Variants in NR6A1 observed in about 807,000 individuals in gnomAD.
NR6A1 encodes the protein retinoic acid receptor-related testis-associated receptor.
In NR6A1, 7 loss-of-function variants were observed where a neutral mutation model predicts 59.1. That is an observed-to-expected ratio of 0.12 (90% CI 0.07 to 0.22). The LOEUF (loss-of-function observed/expected upper bound fraction) is 0.22. NR6A1 is among the 10% of genes least tolerant of loss of function. The pLI, the probability that NR6A1 is intolerant of heterozygous loss-of-function variation, is 1.00. For synonymous variants in NR6A1, 243 were observed against 236.1 expected (o/e 1.03, Z -0.27); for missense variants, 468 against 611.6 (o/e 0.77, Z 2.48).
chr9:124,645,074 T>C (rs1004008614), intron 2 of NR6A1, among the ~76,000 whole-genome samples: 4 of 152,190 alleles, frequency 2.6e-5, no homozygotes, highest in Non-Finnish European at 4.4e-5. Flanking sequence ...TAGACTTGGA[T>C]TGGTTATAAA....
At chr9:124,534,324 C>T (rs910210411) in intron 7 of NR6A1, among the ~76,000 whole-genome samples, 3 of 152,144 alleles carry the variant, frequency 2.0e-5, no homozygotes, top group South Asian at 2.1e-4. Flanking sequence ...CCACCTGCCT[C>T]GGCCTCTCAA....
intron 2 of NR6A1, among the ~76,000 whole-genome samples, chr9:124,635,116 A>G (rs1836563574): frequency 1.3e-5 from 2 of 152,200 alleles, no homozygotes; most frequent in Admixed American, 6.5e-5. Flanking sequence ...ATAGTATTAC[A>G]AAGAATAGCT....
At chr9:124,767,266 T>C (rs1257612810) in intron 1 of NR6A1, among the ~76,000 whole-genome samples, 1 of 152,200 alleles carries the variant, frequency 6.6e-6, no homozygotes, top group Non-Finnish European at 1.5e-5. Flanking sequence ...CCCTTTCATG[T>C]ACTAACACAT....
chr9:124,710,416 C>T (rs1020959501), intron 2 of NR6A1, among the ~76,000 whole-genome samples: 1 of 152,204 alleles, frequency 6.6e-6, no homozygotes, highest in African/African-American at 2.4e-5. Flanking sequence ...CACATACACA[C>T]ACAATGTTGA....
At chr9:124,638,797 T>C (rs1401679502) in intron 2 of NR6A1, among the ~76,000 whole-genome samples, 2 of 152,214 alleles carry the variant, frequency 1.3e-5, no homozygotes, top group African/African-American at 4.8e-5. Flanking sequence ...TGCAGACAAT[T>C]ACTAGCACTG....
intron 2 of NR6A1, among the ~76,000 whole-genome samples, chr9:124,645,854 A>T (rs1251337422): frequency 6.6e-6 from 1 of 152,194 alleles, no homozygotes; most frequent in Non-Finnish European, 1.5e-5. Context: ...ACATTTACCA[A>T]AACAGACCAC....
At chr9:124,745,233 G>A (rs1343715989) in intron 1 of NR6A1, among the ~76,000 whole-genome samples, 1 of 150,050 alleles carries the variant, frequency 6.7e-6, no homozygotes, top group Non-Finnish European at 1.5e-5. Flanking sequence ...ATGAGCTCAG[G>A]TATATTCCAA....
At chr9:124,640,044 A>G (rs1277957648) in intron 2 of NR6A1, among the ~76,000 whole-genome samples, 1 of 152,220 alleles carries the variant, frequency 6.6e-6, no homozygotes, top group Non-Finnish European at 1.5e-5. Context: ...AAATGCATAA[A>G]AAGAAATTAA....
chr9:124,601,143 G>A (rs186180283), intron 2 of NR6A1, among the ~76,000 whole-genome samples: 9 of 152,184 alleles, frequency 5.9e-5, no homozygotes, highest in African/African-American at 1.9e-4. Context: ...AGGCATGGTG[G>A]CACACGCCTG....
intron 2 of NR6A1, among the ~76,000 whole-genome samples, chr9:124,656,365 A>G (rs1475280036): frequency 6.6e-6 from 1 of 152,216 alleles, no homozygotes; most frequent in Non-Finnish European, 1.5e-5. Context: ...GGACTAAGAC[A>G]GTAGTATACA....
At chr9:124,630,952 C>T (rs937101276) in intron 2 of NR6A1, among the ~76,000 whole-genome samples, 4 of 151,880 alleles carry the variant, frequency 2.6e-5, no homozygotes, top group South Asian at 2.1e-4. Context: ...GGATTACAGG[C>T]GTGAGCCACT....
intron 3 of NR6A1, among the ~76,000 whole-genome samples, chr9:124,552,575 C>T (rs916812325): frequency 2.0e-5 from 3 of 152,198 alleles, no homozygotes; most frequent in Admixed American, 1.3e-4. Flanking sequence ...GTACATTGTC[C>T]GTGTCCGTAT....
chr9:124,728,342 T>C (rs868394132), intron 2 of NR6A1, among the ~76,000 whole-genome samples: 1 of 151,846 alleles, frequency 6.6e-6, no homozygotes, highest in East Asian at 2.0e-4. Flanking sequence ...ACTTCATTTT[T>C]AAAGTACTTG....
chr9:124,526,967 G>C lies in NR6A1; in HGVS notation c.1080-67C>G, dbSNP rs1254820452. ...AGTAGGGGCCAGGAAAGGGCAGCCAGAGAGCTCCTACAGCTCCTTAAACAG... is the reference window on the plus strand; with the variant it reads ...AGTAGGGGCCAGGAAAGGGCAGCCACAGAGCTCCTACAGCTCCTTAAACAG... On this transcript the variant is annotated intron_variant, in intron 7 of 9. Transcript: ENST00000487099. 1.9e-6 allele frequency: 3 copies of C among 1,592,136 alleles called. No individual in the cohort carries two copies. In the African/African-American group the frequency reaches 4.0e-5, roughly 21 times the overall value.
intron 1 of NR6A1, among the ~76,000 whole-genome samples, chr9:124,758,898 A>G (rs1840710378): frequency 6.6e-6 from 1 of 152,188 alleles, no homozygotes; most frequent in East Asian, 1.9e-4. Flanking sequence ...TGCCCAATTC[A>G]TTCCATCATA....
chr9:124,529,686 C>T (rs532904573), intron 7 of NR6A1, among the ~76,000 whole-genome samples: 2 of 152,290 alleles, frequency 1.3e-5, no homozygotes, highest in African/African-American at 4.8e-5. Context: ...GGAGTTGTGT[C>T]CCCACAGCAA....
chr9:124,592,140 T>A (rs1339488904), intron 2 of NR6A1, among the ~76,000 whole-genome samples: 1 of 152,166 alleles, frequency 6.6e-6, no homozygotes, highest in Non-Finnish European at 1.5e-5. Flanking sequence ...GGATGCTAAA[T>A]CAAACATGAT....
At chr9:124,693,886 C>G (rs1838654765) in intron 2 of NR6A1, 1 of 437,736 alleles carries the variant, frequency 2.3e-6, no homozygotes, top group African/African-American at 2.0e-5. Context: ...TTCCAAAACA[C>G]TAGCTAAAGC....
intron 1 of NR6A1, among the ~76,000 whole-genome samples, chr9:124,734,966 T>C (rs762088367): frequency 6.6e-6 from 1 of 152,168 alleles, no homozygotes; most frequent in Non-Finnish European, 1.5e-5. Flanking sequence ...TGCCTCAGTC[T>C]CCTGAGCAGC....
Sources: gnomAD v4.1 joint callset for allele counts (sites outside exome capture counted in the v4.1 genomes callset) on GRCh38, gnomAD v4.1.1 for gene constraint, MANE v1.5 for transcripts, NCBI Gene and HGNC (gene_info 2026-07-23, HGNC 2026-07-21) for gene names.